MMEL1: variants seen among roughly 807,000 people sequenced by gnomAD.
MMEL1 encodes membrane metallo-endopeptidase-like 1.
In MMEL1, 98 loss-of-function variants were observed where a neutral mutation model predicts 117.1. The observed-to-expected ratio is 0.84, with a 90% confidence interval of 0.71 to 0.99. The LOEUF is 0.99. Ranked by LOEUF, MMEL1 falls within the 50% of genes least tolerant of loss-of-function variation. The pLI, the probability that MMEL1 is intolerant of heterozygous loss-of-function variation, is 0.00. For synonymous variants in MMEL1, 390 were observed against 415.1 expected (o/e 0.94, Z 0.74); for missense variants, 1,014 against 1,049.1 (o/e 0.97, Z 0.46).
At chr1:2,609,873 A>G in intron 4 of MMEL1, 42 bp from the exon 5 acceptor site, 1 of 1,573,468 alleles carries the variant, frequency 6.4e-7, no homozygotes, top group Non-Finnish European at 8.6e-7. Context: ...GGGGAGACAG[A>G]GAGAGTTGTG....
Position 2,607,015 on chromosome 1 carries a change from CCCA to C in MMEL1, c.587_589del (p.Val196del). 6.2e-7 allele frequency: 1 copy of C among 1,613,508 alleles called. No homozygotes were observed. ...CCTGTCCATCGCCACCGGCCAGCCT[CCCA>C]CCACCTCCAAGATGTCCAGCAGGGG... On this transcript the variant is annotated inframe_deletion, in exon 7 of 24. Coordinates refer to ENST00000378412, the MANE Select transcript of MMEL1 (RefSeq NM_033467.4).
intron 7 of MMEL1, 86 bp from the exon 8 acceptor site, chr1:2,606,452 C>T (rs1645030408): frequency 2.0e-6 from 2 of 1,001,990 alleles, no homozygotes; most frequent in African/African-American, 1.6e-5. Context: ...CCTCCGGAGC[C>T]AGGAACTAGG....
intron 2 of MMEL1, among the ~76,000 whole-genome samples, chr1:2,615,434 C>T (rs576508080): frequency 1.5e-4 from 23 of 152,264 alleles, no homozygotes; most frequent in Middle Eastern, 3.4e-3. Flanking sequence ...CAGTAATCCT[C>T]AAGACTGTCA....
At chr1:2,625,274 C>T (rs1408643148) in intron 2 of MMEL1, among the ~76,000 whole-genome samples, 1 of 152,216 alleles carries the variant, frequency 6.6e-6, no homozygotes, top group Non-Finnish European at 1.5e-5. Flanking sequence ...CAAGGTGTCT[C>T]GGGCCTAGTG....
chr1:2,630,715 CTGTGTGAT>C (rs1638521279), intron 1 of MMEL1, among the ~76,000 whole-genome samples: 1 of 140,138 alleles, frequency 7.1e-6, no homozygotes, highest in African/African-American at 2.7e-5. Context: ...ACGTGTGTGA[CTGTGTGAT>C]TGTGCACGTG....
chr1:2,629,415 A>G lies in MMEL1; in HGVS notation c.70T>C (p.Phe24Leu). The G allele has an allele frequency of 6.5e-7, 1 of 1,545,418 alleles. No homozygotes were observed. The highest frequency in any genetic ancestry group is 1.4e-5 in the African/African-American group (1 of 72,714). The change falls in exon 2 of 24, where the codon TTC becomes CTC. Residue 24 changes from phenylalanine to leucine, a missense_variant. Coordinates refer to ENST00000378412, the MANE Select transcript of MMEL1 (RefSeq NM_033467.4). ...AGCAGCAGCAGCCCCCCCTCCAGGA[A>G]CCCCGGGCGCTTCTGCCCTGCACGG... ...AGRAGQKRPG[F>L]LEGGLLLLLL...
At chr1:2,592,344 GC>G (rs1479813474) in intron 21 of MMEL1, among the ~76,000 whole-genome samples, 1 of 45,136 alleles carries the variant, frequency 2.2e-5, no homozygotes, top group Non-Finnish European at 4.1e-5. Context: ...CCCCTCCCCT[GC>G]CATGCTGACG....
chr1:2,620,019 C>T (rs1052391797), intron 2 of MMEL1, among the ~76,000 whole-genome samples: 1 of 152,174 alleles, frequency 6.6e-6, no homozygotes, highest in Non-Finnish European at 1.5e-5. Context: ...AGGAAGATAA[C>T]GGGTACAATT....
chr1:2,616,994 C>T (rs1645211192), intron 2 of MMEL1, among the ~76,000 whole-genome samples: 1 of 152,188 alleles, frequency 6.6e-6, no homozygotes, highest in Non-Finnish European at 1.5e-5. Context: ...ATGAGCTAGG[C>T]ATGTTTTTTC....
chr1:2,629,594 C>G (rs952482321), intron 1 of MMEL1, 73 bp from the exon 2 acceptor site: 1 of 1,312,968 alleles, frequency 7.6e-7, no homozygotes, highest in South Asian at 1.6e-5. Context: ...CTGGAAGGGC[C>G]GGATGCTGGC....
chr1:2,591,334 A>G (rs1473766308), intron 23 of MMEL1: 3 of 600,610 alleles, frequency 5.0e-6, no homozygotes, highest in Non-Finnish European at 8.9e-6. Context: ...ACACAGAAAC[A>G]TTCGCAGCCT....
chr1:2,629,994 T>C (rs1468185834), intron 1 of MMEL1: 1 of 152,716 alleles, frequency 6.5e-6, no homozygotes, highest in East Asian at 1.9e-4. Context: ...ACACAGGCGG[T>C]GACTACGTGG....
chr1:2,604,470 G>A (rs1056536743), intron 9 of MMEL1, among the ~76,000 whole-genome samples, 189 bp from the exon 10 acceptor site: 7 of 152,210 alleles, frequency 4.6e-5, no homozygotes, highest in Non-Finnish European at 8.8e-5. Flanking sequence ...ACCTGTGCCC[G>A]AGCCACTGGA....
intron 11 of MMEL1, among the ~76,000 whole-genome samples, chr1:2,601,928 G>C (rs1028498137): frequency 3.9e-5 from 6 of 152,200 alleles, no homozygotes; most frequent in African/African-American, 1.4e-4. Flanking sequence ...GCCGCTGTTG[G>C]GGAGCGCACA....
At chr1:2,599,296 C>G (rs546703667) in intron 11 of MMEL1, among the ~76,000 whole-genome samples, 1 of 152,254 alleles carries the variant, frequency 6.6e-6, no homozygotes, top group East Asian at 1.9e-4. Flanking sequence ...AAATAATAAG[C>G]CAGTCTCGTT....
chr1:2,599,312 C>G (rs2100934386), intron 11 of MMEL1, among the ~76,000 whole-genome samples: 1 of 152,302 alleles, frequency 6.6e-6, no homozygotes, highest in Middle Eastern at 3.4e-3. Flanking sequence ...TCGTTTATGT[C>G]ATAGATACAA....
intron 2 of MMEL1, among the ~76,000 whole-genome samples, chr1:2,621,457 C>T (rs1379393623): frequency 1.3e-5 from 2 of 152,174 alleles, no homozygotes; most frequent in African/African-American, 4.8e-5. Flanking sequence ...CTATTGGTTC[C>T]AAGTCTTTAG....
intron 2 of MMEL1, among the ~76,000 whole-genome samples, chr1:2,628,915 C>A (rs141120871): frequency 0.028 from 3,517 of 125,998 alleles, 148 homozygotes; most frequent in African/African-American, 0.096. Context: ...TGAGCCCGGG[C>A]GGCGGGAGGG....
Position 2,595,907 on chromosome 1 carries a change from G to A in MMEL1, c.1500+102C>T. ...GTGGGGTCCTGTCTGCGCCTCCCGG[G>A]GCTGCCTTCTCCCCGTGGGGACCGT... On this transcript the variant is annotated intron_variant, in intron 15 of 23. Transcript: ENST00000378412. The surrounding 1 kb of genome is among the most constrained non-coding windows in gnomAD (Gnocchi z 4.8). 2.1e-6 allele frequency: 2 copies of A among 948,568 alleles called. No homozygotes were observed. The highest frequency in any genetic ancestry group is 2.9e-5 in the South Asian group (2 of 69,898). 58.8% of individuals were successfully genotyped at this position (948,568 alleles called of 1,614,324 possible). A position where few individuals can be genotyped will look rare whatever the true frequency, so the allele number is the denominator to read the frequency against.
Sources: allele counts gnomAD v4.1 joint callset (sites outside exome capture counted in the v4.1 genomes callset), GRCh38; gene constraint gnomAD v4.1.1; non-coding constraint Gnocchi (gnomAD v3.1); transcripts MANE v1.5; gene names NCBI Gene and HGNC (gene_info 2026-07-23, HGNC 2026-07-21).